The following IGLON5 variants were observed in gnomAD, a reference collection of about 807,000 sequenced individuals.
The protein encoded by IGLON5 is Ig-like domain-containing protein ENSP00000270642.
In IGLON5, 16 loss-of-function variants were observed where a neutral mutation model predicts 38.2. The observed-to-expected ratio is 0.42, with a 90% CI of 0.28 to 0.64. IGLON5 has a LOEUF of 0.64. IGLON5 is among the 30% of genes least tolerant of loss of function. The pLI, the probability that IGLON5 is intolerant of heterozygous loss-of-function variation, is 0.23. For synonymous variants in IGLON5, 207 were observed against 216.4 expected (o/e 0.96, Z 0.38); for missense variants, 366 against 483.4 (o/e 0.76, Z 2.28).
Position 51,327,142 on chromosome 19 carries a change from C to T in IGLON5, c.709C>T (p.Arg237Cys). ...CGCGCTGGGCCGGGCCGCCCTCCTG[C>T]GCTGCGAAGCCATGGCGGTTCCCCC... ...RTALGRAALL[R>C]CEAMAVPPAD... The change falls in exon 6 of 8, where the codon CGC becomes TGC. Residue 237 changes from arginine (R) to cysteine (C), a missense_variant. Arg to Cys is a radical substitution (Grantham distance 180). Coordinates refer to ENST00000270642, the MANE Select transcript of IGLON5 (RefSeq NM_001101372.3). The surrounding 1 kb of genome is among the most constrained non-coding windows in gnomAD (Gnocchi z 7.1). 6.2e-7 allele frequency: 1 copy of T among 1,612,326 alleles called. No homozygotes were observed. The highest frequency in any genetic ancestry group is 8.5e-7 in the Non-Finnish European group (1 of 1,179,644).
chr19:51,326,995 G>C lies in IGLON5; in HGVS notation c.647-85G>C, dbSNP rs557102499. 2.2e-5 allele frequency: 35 copies of C among 1,586,290 alleles called. No individual in the cohort carries two copies. In the African/African-American group the frequency reaches 4.6e-4, roughly 21 times the overall value. Reference sequence around the variant, plus strand: ...AAGAGGAAGCGGGGGCGAGACTTACGGGCCTGAGGGAGGCGGGGGCTGGGG... The same window carrying C: ...AAGAGGAAGCGGGGGCGAGACTTACCGGCCTGAGGGAGGCGGGGGCTGGGG... On this transcript the variant is annotated intron_variant, in intron 5 of 7. Transcript: ENST00000270642.
Position 51,330,548 on chromosome 19 carries a change from G to A in IGLON5, c.*1789G>A, listed in dbSNP as rs1478098720. ...GCATAGCCCATTTCCCACCGTGATT[G>A]GCTCAGAGATGGGCACATGACCCAG... On this transcript the variant is annotated 3_prime_UTR_variant, in exon 8 of 8. Coordinates refer to ENST00000270642, the MANE Select transcript of IGLON5 (RefSeq NM_001101372.3). 6.6e-6 allele frequency among the ~76,000 whole-genome samples: 1 copy of A among 152,192 alleles called. No homozygotes were observed. Among genetic ancestry groups the A allele is most frequent in the Non-Finnish European group, 1.5e-5 (1 of 68,034 alleles).
At chr19:51,318,800 T>TG (rs1984984177) in intron 1 of IGLON5, among the ~76,000 whole-genome samples, 1 of 152,082 alleles carries the variant, frequency 6.6e-6, no homozygotes, top group South Asian at 2.1e-4. Flanking sequence ...GCTCAACTCA[T>TG]GGGGGCAGTG....
chr19:51,317,605 C>T (rs913312980), intron 1 of IGLON5, among the ~76,000 whole-genome samples: 3 of 152,186 alleles, frequency 2.0e-5, no homozygotes, highest in Non-Finnish European at 4.4e-5. Flanking sequence ...CTCAGAGCAA[C>T]TGACAGCCCA....
intron 1 of IGLON5, among the ~76,000 whole-genome samples, chr19:51,315,767 C>T (rs1354829027): frequency 6.9e-6 from 1 of 145,584 alleles, no homozygotes; most frequent in Admixed American, 7.0e-5. Flanking sequence ...ACTATCTCAG[C>T]TCACTGCAAG....
At chr19:51,312,501 A>G (rs1329770835) in intron 1 of IGLON5, among the ~76,000 whole-genome samples, 3 of 151,924 alleles carry the variant, frequency 2.0e-5, no homozygotes, top group African/African-American at 7.3e-5. Flanking sequence ...AAAAGAGGGG[A>G]AGGGTCTGAA....
At chr19:51,326,727 G>T in intron 4 of IGLON5, 37 bp from the exon 5 acceptor site, 14 of 1,473,404 alleles carry the variant, frequency 9.5e-6, no homozygotes, top group Non-Finnish European at 1.3e-5. Flanking sequence ...AAGTGTTTGT[G>T]TCCGGCCCCG....
chr19:51,316,185 A>G (rs1242787559), intron 1 of IGLON5, among the ~76,000 whole-genome samples: 9 of 22,398 alleles, frequency 4.0e-4, no homozygotes. Flanking sequence ...ATATCTACAA[A>G]AAAAAAAAAA....
chr19:51,326,965 G>A lies in IGLON5; in HGVS notation c.646+67G>A, dbSNP rs1985232124. On this transcript the variant is annotated intron_variant, in intron 5 of 7. Transcript: ENST00000270642. ...CCGAGTCCCTGGGGAGGAGGGATCT[G>A]GGGGAAGAGGAAGCGGGGGCGAGAC... 8.3e-6 allele frequency: 13 copies of A among 1,573,964 alleles called. No homozygotes were observed. In the South Asian group the frequency reaches 1.0e-4, roughly 13 times the overall value.
At chr19:51,320,572 G>T (rs1985030486) in intron 1 of IGLON5, among the ~76,000 whole-genome samples, 2 of 152,228 alleles carry the variant, frequency 1.3e-5, no homozygotes. Flanking sequence ...CCTGCCTGCT[G>T]TGCTGAAGTG....
intron 1 of IGLON5, among the ~76,000 whole-genome samples, chr19:51,313,595 C>CTT (rs138558577): frequency 2.5e-4 from 36 of 142,902 alleles, no homozygotes; most frequent in South Asian, 8.8e-4. Flanking sequence ...TTCCTTCTTT[C>CTT]TCTTTCCTTC....
At position 51,325,526 on chromosome 19, in the gene IGLON5, T is replaced by C; in HGVS notation, c.511+61T>C. On this transcript the variant is annotated intron_variant, in intron 4 of 7. Transcript: ENST00000270642. This position sits in a 1 kb window ranked among gnomAD's most constrained non-coding sequence, Gnocchi z 5.5. ...CCACTGCGCAGTCTGGGCCCCTCCA[T>C]TCCCCATATCCCTAGCTAGTTTCCC... The C allele has an allele frequency of 6.6e-7, 1 of 1,506,342 alleles. No homozygotes were observed. Among genetic ancestry groups the C allele is most frequent in the Non-Finnish European group, 8.9e-7 (1 of 1,121,500 alleles). 93.3% of individuals were successfully genotyped at this position (1,506,342 alleles called of 1,614,324 possible).
chr19:51,322,101 C>A lies in IGLON5; in HGVS notation c.117C>A (p.Ala39=), dbSNP rs61732615. ...AGAGCCTGGAGTTCAACTCTCCTGC[C>A]GACAACTACACAGTGTGTGAAGGTG... The part of the protein sequence containing the change: ...LSQSLEFNSP[A]DNYTVCEGDN... The change falls in exon 2 of 8, where the codon GCC becomes GCA. Residue 39 remains alanine, a synonymous_variant. Coordinates refer to ENST00000270642, the MANE Select transcript of IGLON5 (RefSeq NM_001101372.3). The A allele has an allele frequency of 1.9e-6, 3 of 1,613,238 alleles. No individual in the cohort carries two copies.
At chr19:51,313,222 C>T (rs1259060287) in intron 1 of IGLON5, among the ~76,000 whole-genome samples, 1 of 152,234 alleles carries the variant, frequency 6.6e-6, no homozygotes, top group African/African-American at 2.4e-5. Flanking sequence ...CCGTCTCCCA[C>T]CTGACCAGTC....
rs1482713641 is a variant in IGLON5 at position 51,330,264 on chromosome 19, G to A, written c.*1505G>A. 6.7e-6 allele frequency: 1 copy of A among 150,256 alleles called. No homozygotes were observed. Among genetic ancestry groups the A allele is most frequent in the Non-Finnish European group, 1.5e-5 (1 of 67,542 alleles). 9.3% of individuals were successfully genotyped at this position (150,256 alleles called of 1,614,324 possible). ...GGATGGGGTGGGACAGGGGAGGGAT[G>A]CTAGGGAGGGGGTGGGGGGCCCTGG... On this transcript the variant is annotated 3_prime_UTR_variant, in exon 8 of 8. Coordinates refer to ENST00000270642, the MANE Select transcript of IGLON5 (RefSeq NM_001101372.3).
intron 1 of IGLON5, among the ~76,000 whole-genome samples, chr19:51,319,954 C>T (rs542215310): frequency 2.6e-5 from 4 of 151,986 alleles, no homozygotes; most frequent in Non-Finnish European, 5.9e-5. Flanking sequence ...ACCTCTCTGT[C>T]TGGGTAAGGA....
At chr19:51,323,447 C>G (rs1208981693) in intron 2 of IGLON5, among the ~76,000 whole-genome samples, 1 of 152,190 alleles carries the variant, frequency 6.6e-6, no homozygotes, top group Non-Finnish European at 1.5e-5. Flanking sequence ...TCAATAACCA[C>G]GAGCTATTGT....
chr19:51,326,562 A>AC lies in IGLON5; in HGVS notation c.512-200dup, dbSNP rs773897642. On this transcript the variant is annotated intron_variant, in intron 4 of 7. Coordinates refer to ENST00000270642, the MANE Select transcript of IGLON5 (RefSeq NM_001101372.3). ...CTGGGTTCCAGGAACTGAGTCCCAG[A>AC]CCTCACTCCTTCCCCCACCCCCAGC... Among the ~76,000 whole-genome samples, 92 of 151,444 alleles carry AC rather than the reference A, an allele frequency of 6.1e-4. 3 individuals are homozygous for AC. The highest frequency in any genetic ancestry group is 1.4e-3 in the African/African-American group (59 of 41,228).
chr19:51,325,322 T>C lies in IGLON5; in HGVS notation c.392-24T>C. On this transcript the variant is annotated intron_variant, in intron 3 of 7. Coordinates refer to ENST00000270642, the MANE Select transcript of IGLON5 (RefSeq NM_001101372.3). This position sits in a 1 kb window ranked among gnomAD's most constrained non-coding sequence, Gnocchi z 5.5. ...GGGCCTGGATTCCTGGGCATCCATA[T>C]TCAGCCTCTGCCGCTGCCCGCAGTC... is the stretch of plus-strand genomic sequence containing the variant. 6.2e-7 allele frequency: 1 copy of C among 1,609,982 alleles called. No homozygotes were observed. Among genetic ancestry groups the C allele is most frequent in the South Asian group, 1.1e-5 (1 of 90,184 alleles).
Sources: gnomAD v4.1 joint callset for allele counts (sites outside exome capture counted in the v4.1 genomes callset) on GRCh38, gnomAD v4.1.1 for gene constraint, Gnocchi (gnomAD v3.1) non-coding constraint, MANE v1.5 for transcripts, NCBI Gene and HGNC (gene_info 2026-07-23, HGNC 2026-07-21) for gene names.